SMYD2: variants seen among roughly 807,000 people sequenced by gnomAD.
SMYD2 encodes the protein SET and MYND domain containing 2.
SMYD2 carries 53 observed loss-of-function variants against 59.1 expected under a neutral mutation model. That is an observed-to-expected ratio of 0.90 (90% CI 0.72 to 1.13). The LOEUF (loss-of-function observed/expected upper bound fraction) is 1.13. Ranked by LOEUF, SMYD2 falls within the 50% of genes most tolerant of loss-of-function variation. The probability of loss-of-function intolerance (pLI) is 0.00; values close to 1 mark genes in which losing one functional copy is unlikely to be tolerated. For synonymous variants in SMYD2, 208 were observed against 198.8 expected, an observed-to-expected ratio of 1.05 and a Z score of -0.39; for missense variants, 494 against 544.7, an observed-to-expected ratio of 0.91 and a Z score of 0.93.
intron 1 of SMYD2, among the ~76,000 whole-genome samples, chr1:214,286,535 C>G (rs1039195848): frequency 2.0e-5 from 3 of 152,030 alleles, no homozygotes; most frequent in Non-Finnish European, 2.9e-5. Flanking sequence ...CTCTGGGAGG[C>G]TGAGGCAGAT....
chr1:214,281,387 G>A lies in SMYD2; in HGVS notation c.133G>A (p.Val45Ile). The A allele has an allele frequency of 1.4e-6, 2 of 1,467,290 alleles. No homozygotes were observed. The highest frequency in any genetic ancestry group is 1.8e-6 in the Non-Finnish European group (2 of 1,104,072). 90.9% of individuals were successfully genotyped at this position (1,467,290 alleles called of 1,614,324 possible). ...CCCGGCCTATGCCTACGTGCTCACG[G>A]TCAACGAGCGGGGCAACCACTGCGA... Reference protein sequence around the residue: ...SCPAYAYVLTVNERGNHCEYC... With the variant: ...SCPAYAYVLTINERGNHCEYC... The change falls in exon 1 of 12, where the codon GTC becomes ATC. Residue 45 changes from valine (V) to isoleucine (I), a missense_variant. Val to Ile is a conservative substitution (Grantham distance 29, BLOSUM62 3). Transcript: ENST00000366957.
chr1:214,313,008 T>C (rs1657022914), intron 2 of SMYD2, among the ~76,000 whole-genome samples: 1 of 152,132 alleles, frequency 6.6e-6, no homozygotes. Flanking sequence ...GTTGTGGAGC[T>C]AAGAAGTGAT....
intron 10 of SMYD2, 81 bp downstream of exon 10, chr1:214,332,273 C>A: frequency 1.3e-6 from 2 of 1,508,622 alleles, no homozygotes; most frequent in Admixed American, 2.0e-5. Flanking sequence ...ATCTTCCTGC[C>A]CATTGCTGAG....
intron 1 of SMYD2, among the ~76,000 whole-genome samples, chr1:214,301,652 T>G (rs1656825756): frequency 6.6e-6 from 1 of 151,942 alleles, no homozygotes; most frequent in Non-Finnish European, 1.5e-5. Flanking sequence ...ATTTTATCAT[T>G]GGCAACAAGT....
chr1:214,295,578 C>A (rs1466624780), intron 1 of SMYD2, among the ~76,000 whole-genome samples: 1 of 152,146 alleles, frequency 6.6e-6, no homozygotes, highest in Non-Finnish European at 1.5e-5. Context: ...TACCTTACTG[C>A]CCTAAATATT....
chr1:214,323,995 T>A (rs1054280693), intron 5 of SMYD2, among the ~76,000 whole-genome samples: 5 of 152,194 alleles, frequency 3.3e-5, no homozygotes, highest in African/African-American at 4.8e-5. Context: ...TGGCACAATC[T>A]TGGCTTACTG....
intron 8 of SMYD2, 25 bp downstream of exon 8, chr1:214,330,303 C>A (rs369723800): frequency 8.2e-6 from 12 of 1,467,242 alleles, no homozygotes; most frequent in African/African-American, 7.0e-5. Flanking sequence ...TGGGCAAGAG[C>A]GCTGACTGCA....
At chr1:214,330,303 C>T (rs369723800) in intron 8 of SMYD2, 25 bp downstream of exon 8, 26 of 1,467,186 alleles carry the variant, frequency 1.8e-5, no homozygotes, top group African/African-American at 5.6e-5. Flanking sequence ...TGGGCAAGAG[C>T]GCTGACTGCA....
chr1:214,281,397 G>C lies in SMYD2; in HGVS notation c.143G>C (p.Arg48Pro). Residue 48 changes from arginine to proline, a missense_variant, in exon 1 of 12, where the codon CGG becomes CCG. Arg to Pro is a moderately radical substitution (Grantham distance 103). Coordinates refer to ENST00000366957, the MANE Select transcript of SMYD2 (RefSeq NM_020197.3). ...GCCTACGTGCTCACGGTCAACGAGCGGGGCAACCACTGCGAGTACTGCTTC... is the reference window on the plus strand; with the variant it reads ...GCCTACGTGCTCACGGTCAACGAGCCGGGCAACCACTGCGAGTACTGCTTC... The part of the protein sequence containing the change: ...AYAYVLTVNE[R>P]GNHCEYCFTR... 2 of 1,463,662 alleles carry C rather than the reference G, an allele frequency of 1.4e-6. No homozygotes were observed. Among genetic ancestry groups the C allele is most frequent in the Non-Finnish European group, 1.8e-6 (2 of 1,102,720 alleles). 90.7% of individuals were successfully genotyped at this position (1,463,662 alleles called of 1,614,324 possible). A position where few individuals can be genotyped will look rare whatever the true frequency, so the allele number is the denominator to read the frequency against.
At position 214,334,287 on chromosome 1, in the gene SMYD2, A is replaced by G; in HGVS notation, c.1200A>G (p.Ala400=). The change falls in exon 11 of 12, where the codon GCA becomes GCG. Residue 400 remains alanine (A), a synonymous_variant. Coordinates refer to ENST00000366957, the MANE Select transcript of SMYD2 (RefSeq NM_020197.3). ...RLYMGLEHKA[A]GEKALKKAIA... ...ACATGGGCCTGGAACACAAAGCCGCAGGGGAGAAAGCCCTGAAGAAGGTAT... is the reference window on the plus strand; with the variant it reads ...ACATGGGCCTGGAACACAAAGCCGCGGGGGAGAAAGCCCTGAAGAAGGTAT... The G allele has an allele frequency of 6.2e-7, 1 of 1,613,648 alleles. No individual in the cohort carries two copies. The highest frequency in any genetic ancestry group is 8.5e-7 in the Non-Finnish European group (1 of 1,180,006).
At chr1:214,324,439 A>G (rs895361419) in intron 5 of SMYD2, among the ~76,000 whole-genome samples, 2 of 144,544 alleles carry the variant, frequency 1.4e-5, no homozygotes, top group African/African-American at 5.1e-5. Flanking sequence ...TAAGGGATGC[A>G]TCACAATTCT....
chr1:214,315,117 A>T (rs552291948), intron 3 of SMYD2, among the ~76,000 whole-genome samples: 13 of 152,294 alleles, frequency 8.5e-5, no homozygotes, highest in Admixed American at 2.6e-4. Context: ...TGAAATTCTG[A>T]GCTGTTTTCA....
intron 1 of SMYD2, among the ~76,000 whole-genome samples, chr1:214,291,454 ACT>A (rs1457456033): frequency 6.6e-6 from 1 of 151,922 alleles, no homozygotes. Context: ...AGAAGCGAAG[ACT>A]CTGTGACCTA....
intron 1 of SMYD2, among the ~76,000 whole-genome samples, chr1:214,295,696 A>G (rs1376253830): frequency 6.6e-6 from 1 of 152,240 alleles, no homozygotes; most frequent in Non-Finnish European, 1.5e-5. Context: ...CCCCCGCTGC[A>G]CGTGGGTCCC....
chr1:214,334,176 C>A lies in SMYD2; in HGVS notation c.1113-24C>A, dbSNP rs1390585878. 2.5e-6 allele frequency: 4 copies of A among 1,605,592 alleles called. No homozygotes were observed. In the African/African-American group the frequency reaches 5.4e-5, roughly 21 times the overall value. On this transcript the variant is annotated intron_variant, in intron 10 of 11. Coordinates refer to ENST00000366957, the MANE Select transcript of SMYD2 (RefSeq NM_020197.3). ...GCTCAGTAGCCGCTGACATGGTGGC[C>A]TGTTGTCTCTTCTCTTGTTCTAGTA...
intron 8 of SMYD2, 95 bp downstream of exon 8, chr1:214,330,373 A>T: frequency 1.2e-6 from 1 of 823,060 alleles, no homozygotes; most frequent in Non-Finnish European, 1.9e-6. Context: ...CTCCTCTAGG[A>T]TCTTTTTGAC....
chr1:214,317,969 C>G, intron 3 of SMYD2, 110 bp from the exon 4 acceptor site: 2 of 1,045,758 alleles, frequency 1.9e-6, no homozygotes, highest in Non-Finnish European at 2.9e-6. Flanking sequence ...TGTTTTACTT[C>G]CTTAAGAATT....
At chr1:214,316,302 C>A (rs1300835670) in intron 3 of SMYD2, among the ~76,000 whole-genome samples, 1 of 152,038 alleles carries the variant, frequency 6.6e-6, no homozygotes, top group Non-Finnish European at 1.5e-5. Flanking sequence ...GAGACCCATT[C>A]TCTATAATAA....
chr1:214,301,682 C>T (rs1656826238), intron 1 of SMYD2, among the ~76,000 whole-genome samples: 1 of 150,728 alleles, frequency 6.6e-6, no homozygotes, highest in Admixed American at 6.6e-5. Flanking sequence ...CTGGAAGTGA[C>T]AGGCTCACTT....
Sources: allele counts gnomAD v4.1 joint callset (sites outside exome capture counted in the v4.1 genomes callset), GRCh38; gene constraint gnomAD v4.1.1; transcripts MANE v1.5; gene names NCBI Gene and HGNC (gene_info 2026-07-23, HGNC 2026-07-21).